Variants in CADPS2 observed in about 807,000 individuals in gnomAD.
The protein encoded by CADPS2 is calcium-dependent secretion activator 2.
In CADPS2, 93 loss-of-function variants were observed where a neutral mutation model predicts 172.5. The ratio of observed to expected loss-of-function variants is 0.54; its 90% CI spans 0.46 to 0.64. CADPS2 has a LOEUF of 0.64. Ranked by LOEUF, CADPS2 falls within the 30% of genes least tolerant of loss-of-function variation. The pLI is 0.00. For missense variants in CADPS2, 1,420 were observed against 1,565.9 expected, an observed-to-expected ratio of 0.91 and a Z score of 1.57; for synonymous variants, 546 against 555.2, an observed-to-expected ratio of 0.98 and a Z score of 0.23.
intron 1 of CADPS2, among the ~76,000 whole-genome samples, chr7:122,864,451 G>A (rs1262607008): frequency 6.6e-6 from 1 of 151,546 alleles, no homozygotes; most frequent in African/African-American, 2.4e-5. Context: ...CTGCACTCGA[G>A]CCTGGGCAAC....
intron 10 of CADPS2, 54 bp downstream of exon 10, chr7:122,491,258 T>C: frequency 1.7e-6 from 2 of 1,157,384 alleles, no homozygotes; most frequent in East Asian, 2.5e-5. Context: ...AGGATATTTA[T>C]AAGAATTCCA....
chr7:122,867,743 A>C (rs946743092), intron 1 of CADPS2, among the ~76,000 whole-genome samples: 2 of 152,130 alleles, frequency 1.3e-5, no homozygotes, highest in Non-Finnish European at 2.9e-5. Context: ...GAAACATGGC[A>C]CTCCCTTTGC....
intron 1 of CADPS2, among the ~76,000 whole-genome samples, chr7:122,744,406 T>C (rs979370674): frequency 2.0e-5 from 3 of 152,148 alleles, no homozygotes; most frequent in African/African-American, 4.8e-5. Context: ...TATGGTACCA[T>C]ACCTAACCAG....
At position 122,408,434 on chromosome 7, in the gene CADPS2, A is replaced by ATT. The variant is rs577757774; in HGVS notation, c.2590-740_2590-739dup. ...TCAGCAGCCAGTCATCATTTCATTT[A>ATT]TTTTTTTTGAGACAGGGCCTCACTC... On this transcript the variant is annotated intron_variant, in intron 19 of 29. Coordinates refer to ENST00000449022, the MANE Select transcript of CADPS2 (RefSeq NM_017954.11). 3.3e-5 allele frequency among the ~76,000 whole-genome samples: 5 copies of ATT among 151,700 alleles called. No individual in the cohort carries two copies. In the South Asian group the frequency reaches 1.0e-3, roughly 32 times the overall value.
At chr7:122,812,724 G>A (rs1359306355) in intron 1 of CADPS2, among the ~76,000 whole-genome samples, 2 of 151,978 alleles carry the variant, frequency 1.3e-5, no homozygotes, top group Non-Finnish European at 2.9e-5. Context: ...TCTCTCCACC[G>A]TGCTCCCAAC....
chr7:122,467,282 A>G (rs908250191), intron 14 of CADPS2, among the ~76,000 whole-genome samples: 1 of 152,198 alleles, frequency 6.6e-6, no homozygotes, highest in Admixed American at 6.5e-5. Context: ...ATATAGTCAC[A>G]TATCTAAAAC....
intron 29 of CADPS2, among the ~76,000 whole-genome samples, chr7:122,321,646 GC>G (rs553780403): frequency 1.2e-4 from 18 of 151,928 alleles, no homozygotes; most frequent in African/African-American, 4.1e-4. Flanking sequence ...ATGCCACCAT[GC>G]CCAGCTAATT....
intron 8 of CADPS2, among the ~76,000 whole-genome samples, chr7:122,542,143 G>A (rs544671229): frequency 2.7e-4 from 41 of 151,960 alleles, no homozygotes; most frequent in African/African-American, 9.2e-4. Flanking sequence ...ATTGGTGATT[G>A]TCATATTCAA....
intron 1 of CADPS2, among the ~76,000 whole-genome samples, chr7:122,829,455 T>C (rs1302382973): frequency 6.6e-6 from 1 of 152,170 alleles, no homozygotes; most frequent in Non-Finnish European, 1.5e-5. Context: ...ATATAGGTAA[T>C]TATAAGACCA....
chr7:122,485,213 C>G (rs2057685457), intron 11 of CADPS2, among the ~76,000 whole-genome samples: 1 of 152,174 alleles, frequency 6.6e-6, no homozygotes, highest in Non-Finnish European at 1.5e-5. Context: ...AATCCCATCT[C>G]CCTCACTTTA....
At chr7:122,558,450 T>G (rs1456819719) in intron 7 of CADPS2, among the ~76,000 whole-genome samples, 5 of 152,164 alleles carry the variant, frequency 3.3e-5, no homozygotes, top group African/African-American at 4.8e-5. Context: ...CATTTCTGCT[T>G]CTTCTCATTT....
At chr7:122,854,706 G>T (rs570897987) in intron 1 of CADPS2, among the ~76,000 whole-genome samples, 14 of 152,276 alleles carry the variant, frequency 9.2e-5, no homozygotes, top group Admixed American at 3.3e-4. Flanking sequence ...CTTCAAGTGT[G>T]AGCAGCCAGC....
chr7:122,646,220 C>T (rs550570016), intron 3 of CADPS2, among the ~76,000 whole-genome samples: 26 of 152,212 alleles, frequency 1.7e-4, no homozygotes, highest in African/African-American at 5.8e-4. Context: ...TTCATTCTTT[C>T]ATTTACTATA....
intron 1 of CADPS2, among the ~76,000 whole-genome samples, chr7:122,744,684 T>G (rs2092645799): frequency 6.6e-6 from 1 of 152,146 alleles, no homozygotes; most frequent in Non-Finnish European, 1.5e-5. Context: ...TATAATAAAA[T>G]GTAAACTAAG....
chr7:122,403,539 T>C (rs370908711), intron 20 of CADPS2, among the ~76,000 whole-genome samples: 27 of 152,284 alleles, frequency 1.8e-4, no homozygotes, highest in Middle Eastern at 3.4e-3. Context: ...TGTATAGAAA[T>C]AGTTAAATCA....
At chr7:122,626,337 A>G (rs1002166915) in intron 4 of CADPS2, among the ~76,000 whole-genome samples, 1 of 152,212 alleles carries the variant, frequency 6.6e-6, no homozygotes, top group African/African-American at 2.4e-5. Context: ...CACAGTGGAA[A>G]GGGAAGGATG....
chr7:122,435,053 T>C (rs1230387665), intron 17 of CADPS2, among the ~76,000 whole-genome samples: 1 of 152,200 alleles, frequency 6.6e-6, no homozygotes, highest in African/African-American at 2.4e-5. Flanking sequence ...GAATGGCCTA[T>C]ACTTTACCTA....
At chr7:122,581,344 A>C in intron 6 of CADPS2, 54 bp from the exon 7 acceptor site, 1 of 1,400,242 alleles carries the variant, frequency 7.1e-7, no homozygotes, top group Non-Finnish European at 1.0e-6. Context: ...TTTTTTCCCC[A>C]AGGAGATGTG....
intron 1 of CADPS2, among the ~76,000 whole-genome samples, chr7:122,781,739 T>C (rs1792790536): frequency 6.6e-6 from 1 of 152,178 alleles, no homozygotes. Context: ...ATATTGATTG[T>C]AATGAATTTA....
Sources: gnomAD v4.1 joint callset for allele counts (sites outside exome capture counted in the v4.1 genomes callset) on GRCh38, gnomAD v4.1.1 for gene constraint, MANE v1.5 for transcripts, NCBI Gene and HGNC (gene_info 2026-07-23, HGNC 2026-07-21) for gene names.